The following CLUAP1 variants were observed in gnomAD, a reference collection of about 807,000 sequenced individuals.
The protein encoded by CLUAP1 is intraflagellar transport 38.
Under a neutral mutation model 55.0 loss-of-function variants are expected in CLUAP1, and 50 were observed. The observed-to-expected ratio is 0.91, with a 90% confidence interval of 0.72 to 1.15. The LOEUF is 1.15. Among genes scored for constraint, CLUAP1 ranks in the 50% most tolerant of loss-of-function variants. The pLI is 0.00. For synonymous variants in CLUAP1, 195 were observed against 175.4 expected (o/e 1.11, Z -0.88); for missense variants, 530 against 507.6 (o/e 1.04, Z -0.42).
chr16:3,516,875 A>G (rs1288061092), intron 6 of CLUAP1, among the ~76,000 whole-genome samples: 1 of 152,184 alleles, frequency 6.6e-6, no homozygotes, highest in African/African-American at 2.4e-5. Context: ...AAAGTAAGGA[A>G]GAGTTCAAAG....
At chr16:3,514,677 C>T (rs2037697054) in intron 5 of CLUAP1, among the ~76,000 whole-genome samples, 2 of 152,210 alleles carry the variant, frequency 1.3e-5, no homozygotes, top group South Asian at 2.1e-4. Flanking sequence ...CAGTGTCTGG[C>T]GAGGGCTTGT....
In CLUAP1 at chr16:3,504,730, G is replaced by C. The variant is rs1319097443; in HGVS notation, c.33G>C (p.Glu11Asp). 1.9e-6 allele frequency: 3 copies of C among 1,598,052 alleles called. No homozygotes were observed. Among genetic ancestry groups the C allele is most frequent in the Non-Finnish European group, 2.6e-6 (3 of 1,165,438 alleles). Residue 11 changes from glutamate to aspartate, a missense_variant, in exon 2 of 12, where the codon GAG becomes GAC. Glu to Asp is a conservative substitution (Grantham distance 45). Transcript: ENST00000576634. MSFRDLRNFT[E>D]MMRALGYPRH... ...TTTTTCCTTGGACAGATTTCACAGA[G>C]ATGATGAGAGCCCTGGGATACCCTC...
intron 9 of CLUAP1, among the ~76,000 whole-genome samples, chr16:3,529,891 A>T (rs1233561304): frequency 2.2e-5 from 2 of 91,238 alleles, no homozygotes; most frequent in South Asian, 2.9e-4. Flanking sequence ...ATTTATATTT[A>T]TAATTATATA....
At position 3,535,985 on chromosome 16, in the gene CLUAP1, C is replaced by G; in HGVS notation, c.1093-137C>G. 6 of 986,652 alleles carry G rather than the reference C, an allele frequency of 6.1e-6. No individual in the cohort carries two copies. The South Asian group carries it at 6.6e-5, about 11-fold the overall frequency. 61.1% of individuals were successfully genotyped at this position (986,652 alleles called of 1,614,324 possible). A position where few individuals can be genotyped will look rare whatever the true frequency, so the allele number is the denominator to read the frequency against. ...CCTCAGTCCCATCTGTATGCCCTCC[C>G]ACAGCCTGCTTGCCACTCTGCCAGC... On this transcript the variant is annotated intron_variant, in intron 11 of 11. Coordinates refer to ENST00000576634, the MANE Select transcript of CLUAP1 (RefSeq NM_015041.3).
intron 10 of CLUAP1, 80 bp from the exon 11 acceptor site, chr16:3,532,706 C>A: frequency 6.7e-7 from 1 of 1,489,408 alleles, no homozygotes; most frequent in Non-Finnish European, 9.3e-7. Flanking sequence ...CATGCCTGGC[C>A]AGAAAACAAA....
chr16:3,496,526 C>G, upstream of CLUAP1: 1 of 571,542 alleles, frequency 1.7e-6, no homozygotes, highest in Non-Finnish European at 3.4e-6. Flanking sequence ...CCGTGACCAG[C>G]CGGCCCACAG....
rs1596410347 is a variant in CLUAP1 at position 3,536,248 on chromosome 16, G to A, written c.1219G>A (p.Asp407Asn). 2 of 1,614,128 alleles carry A rather than the reference G, an allele frequency of 1.2e-6. No homozygotes were observed. Among genetic ancestry groups the A allele is most frequent in the African/African-American group, 1.3e-5 (1 of 75,030 alleles). ...AAGGGTCCGGAAATCTGAACCCCTG[G>A]ATGAGAGTGACAATGACTTCTGACC... ...NRRVRKSEPL[D>N]ESDNDF is the part of the protein sequence containing the mutation. The change falls in exon 12 of 12, where the codon GAT becomes AAT. Residue 407 changes from aspartate to asparagine, a missense_variant. Transcript: ENST00000576634.
chr16:3,528,184 C>T (rs548158745), intron 9 of CLUAP1, among the ~76,000 whole-genome samples: 1 of 152,294 alleles, frequency 6.6e-6, no homozygotes, highest in East Asian at 1.9e-4. Context: ...AATTGATGGC[C>T]TTGTTGCACG....
intron 10 of CLUAP1, among the ~76,000 whole-genome samples, chr16:3,532,354 T>G (rs903035076): frequency 6.6e-6 from 1 of 151,480 alleles, no homozygotes. Flanking sequence ...TATATTTGCC[T>G]TTAAAAACAT....
At chr16:3,520,582 TTGAAC>T (rs1214113335) in intron 7 of CLUAP1, among the ~76,000 whole-genome samples, 6 of 152,176 alleles carry the variant, frequency 3.9e-5, no homozygotes, top group African/African-American at 1.4e-4. Flanking sequence ...TGCTTAAAGC[TTGAAC>T]TGCCCTTTAA....
chr16:3,509,139 G>A (rs776505380), intron 4 of CLUAP1, among the ~76,000 whole-genome samples: 1 of 152,108 alleles, frequency 6.6e-6, no homozygotes, highest in Non-Finnish European at 1.5e-5. Context: ...ACACACCTGT[G>A]GTCCCAGCTG....
chr16:3,495,571 G>C, the CLUAP1 span: 1 of 1,467,114 alleles, frequency 6.8e-7, no homozygotes, highest in South Asian at 1.4e-5. Flanking sequence ...TGGACCCCTA[G>C]TTTGGGAGAG....
intron 3 of CLUAP1, among the ~76,000 whole-genome samples, chr16:3,508,009 G>T (rs1223684677): frequency 6.6e-5 from 10 of 152,040 alleles, no homozygotes; most frequent in Admixed American, 6.6e-4. Flanking sequence ...CATTTTGTTT[G>T]TGTTTGAGTG....
intron 11 of CLUAP1, chr16:3,533,214 G>T: frequency 7.4e-7 from 1 of 1,351,254 alleles, no homozygotes; most frequent in Non-Finnish European, 1.0e-6. Flanking sequence ...CCCGGGGCCA[G>T]CCAGGGGCCT....
intron 7 of CLUAP1, among the ~76,000 whole-genome samples, chr16:3,521,491 A>G (rs1004801392): frequency 2.0e-5 from 3 of 151,134 alleles, no homozygotes; most frequent in Non-Finnish European, 4.4e-5. Context: ...CTGGAGTGCA[A>G]TGGCGCGATC....
Position 3,537,868 on chromosome 16 carries a change from G to C in CLUAP1, c.*1597G>C, listed in dbSNP as rs1021079836. ...ACAAAAATTAGCCGGGCGTGGTAGC[G>C]CATGCCTGTAACCCCAGCTACTGGG... On this transcript the variant is annotated 3_prime_UTR_variant, in exon 12 of 12. Transcript: ENST00000576634. 1 of 151,504 alleles carries C rather than the reference G, an allele frequency of 6.6e-6. No homozygotes were observed. The highest frequency in any genetic ancestry group is 1.5e-5 in the Non-Finnish European group (1 of 67,988). The allele number at this position is 151,504 out of a possible 1,614,324, so 9.4% of individuals were successfully genotyped here.
chr16:3,520,149 G>A (rs2037806543), intron 7 of CLUAP1, 113 bp downstream of exon 7: 9 of 1,086,550 alleles, frequency 8.3e-6, no homozygotes, highest in Non-Finnish European at 1.2e-5. Context: ...GGGGCGGGGG[G>A]TTCTCTTGAG....
At chr16:3,519,718 C>G (rs1596394729) in intron 6 of CLUAP1, among the ~76,000 whole-genome samples, 185 bp from the exon 7 acceptor site, 1 of 152,218 alleles carries the variant, frequency 6.6e-6, no homozygotes, top group East Asian at 1.9e-4. Context: ...TTTTTCTGGA[C>G]CTGTGTGACA....
intron 6 of CLUAP1, among the ~76,000 whole-genome samples, chr16:3,518,487 G>C (rs972561995): frequency 6.6e-6 from 1 of 152,210 alleles, no homozygotes; most frequent in Non-Finnish European, 1.5e-5. Context: ...AGGGAAAATT[G>C]CTTGTGTTTA....
Sources: allele counts gnomAD v4.1 joint callset (sites outside exome capture counted in the v4.1 genomes callset), GRCh38; gene constraint gnomAD v4.1.1; transcripts MANE v1.5; gene names NCBI Gene and HGNC (gene_info 2026-07-23, HGNC 2026-07-21).